MFRP: variants seen among roughly 807,000 people sequenced by gnomAD.
MFRP encodes the protein membrane frizzled-related protein, also known as C1q and TNF related 5.
MFRP carries 74 observed loss-of-function variants against 65.8 expected under a neutral mutation model. That is an observed-to-expected ratio of 1.12 (90% CI 0.93 to 1.36). The LOEUF is 1.36. MFRP is among the 40% of genes most tolerant of loss of function. The probability of loss-of-function intolerance (pLI) is 0.00; values close to 1 mark genes in which losing one functional copy is unlikely to be tolerated. For missense variants in MFRP, 838 were observed against 736.0 expected, an observed-to-expected ratio of 1.14 and a Z score of -1.60; for synonymous variants, 336 against 288.3, an observed-to-expected ratio of 1.17 and a Z score of -1.68.
chr11:119,340,400 C>T lies in MFRP; in HGVS notation c.*894G>A, dbSNP rs1950490693. 2.6e-6 allele frequency: 4 copies of T among 1,544,468 alleles called. No homozygotes were observed. Among genetic ancestry groups the T allele is most frequent in the Non-Finnish European group, 3.5e-6 (4 of 1,146,132 alleles). ...AGCAGGACGAGGAGTGGCCTCATAG[C>T]GCTGGCACCGGGAGCCCGGACGCCG... On this transcript the variant is annotated 3_prime_UTR_variant, in exon 14 of 15. Coordinates refer to ENST00000619721, the MANE Select transcript of MFRP (RefSeq NM_031433.4).
intron 13 of MFRP, 75 bp from the exon 14 acceptor site, chr11:119,340,515 A>G: frequency 8.7e-7 from 1 of 1,145,714 alleles, no homozygotes; most frequent in Non-Finnish European, 1.2e-6. Flanking sequence ...GGCGCGGCCC[A>G]GTCGGTCCCC....
Position 119,346,217 on chromosome 11 carries a change from T to C in MFRP, c.157+55A>G, listed in dbSNP as rs1228619790. 16 of 1,568,944 alleles carry C rather than the reference T, an allele frequency of 1.0e-5. No individual in the cohort carries two copies. The Admixed American group carries it at 3.0e-4, about 30-fold the overall frequency. On this transcript the variant is annotated intron_variant, in intron 2 of 14. Transcript: ENST00000619721. Reference sequence around the variant, plus strand: ...CTTCTGTTGGGTATTCCTCATGCTGTCCTTGGCTCCTGGGCCTCTCTGTCC... The same window carrying C: ...CTTCTGTTGGGTATTCCTCATGCTGCCCTTGGCTCCTGGGCCTCTCTGTCC...
rs1461541119 is a variant in MFRP at position 119,345,022 on chromosome 11, G to T, written c.642-18C>A. 22 of 1,597,454 alleles carry T rather than the reference G, an allele frequency of 1.4e-5. No individual in the cohort carries two copies. The highest frequency in any genetic ancestry group is 1.7e-5 in the Non-Finnish European group (20 of 1,173,574). ...CACAAACCCTGCAAGAAGCCAGGTT[G>T]GGGGTGAGGGAGGCTCCAAGAGCAG... On this transcript the variant is annotated intron_variant, in intron 5 of 14. Coordinates refer to ENST00000619721, the MANE Select transcript of MFRP (RefSeq NM_031433.4).
chr11:119,344,597 CGCCTGA>C, intron 7 of MFRP, 29 bp downstream of exon 7: 8 of 1,613,632 alleles, frequency 5.0e-6, no homozygotes, highest in Non-Finnish European at 6.8e-6. Flanking sequence ...CCAGATCAGA[CGCCTGA>C]AGAGAGGACC....
chr11:119,341,349 C>G lies in MFRP; in HGVS notation c.*199G>C, dbSNP rs1950500604. ...TGTGGGGCCAGTCAGCAGCCTGGGA[C>G]CGGTAAAGGGACAGGAAGGAGCAGG... is the stretch of plus-strand genomic sequence containing the variant. On this transcript the variant is annotated 3_prime_UTR_variant, in exon 13 of 15. Transcript: ENST00000619721. The G allele has an allele frequency of 8.4e-6, 5 of 598,684 alleles. No homozygotes were observed. The highest frequency in any genetic ancestry group is 2.0e-5 in the South Asian group (1 of 49,770). 37.1% of individuals were successfully genotyped at this position (598,684 alleles called of 1,614,324 possible).
Position 119,339,360 on chromosome 11 carries a change from C to G in MFRP, c.*1599G>C, listed in dbSNP as rs1298660906. ...GCAAAGACTGGGGAGCTGTGCCAGT[C>G]GGAGTACACCAGAAATCCGGAGAAG... On this transcript the variant is annotated 3_prime_UTR_variant, in exon 15 of 15. Transcript: ENST00000619721. This position sits in a 1 kb window ranked among gnomAD's most constrained non-coding sequence, Gnocchi z 5.4. 1.9e-6 allele frequency: 3 copies of G among 1,612,922 alleles called. No homozygotes were observed. The highest frequency in any genetic ancestry group is 2.2e-5 in the East Asian group (1 of 44,832).
rs1194944071 is a variant in MFRP at position 119,345,003 on chromosome 11, C to T, written c.643G>A (p.Val215Ile). 6 of 1,603,960 alleles carry T rather than the reference C, an allele frequency of 3.7e-6. No homozygotes were observed. In the African/African-American group the frequency reaches 6.7e-5, roughly 18 times the overall value. The change falls in exon 6 of 15, where the codon GTT (valine) becomes ATT (isoleucine). Residue 215 changes from valine to isoleucine, a missense_variant and splice_region_variant. Coordinates refer to ENST00000619721, the MANE Select transcript of MFRP (RefSeq NM_031433.4). ...SPEPEGPLLR[V>I]CGRVPPPTLN... ...GTGGGGGGAGGCACCCTTCCACAAACCCTGCAAGAAGCCAGGTTGGGGGTG... is the reference window on the plus strand; with the variant it reads ...GTGGGGGGAGGCACCCTTCCACAAATCCTGCAAGAAGCCAGGTTGGGGGTG...
At chr11:119,345,330 G>A (rs770344130) in intron 5 of MFRP, 90 bp downstream of exon 5, 71 of 1,342,116 alleles carry the variant, frequency 5.3e-5, no homozygotes, top group Admixed American at 1.2e-4. Context: ...TTTCTTCCTC[G>A]GTTAGCCCTT....
In MFRP at chr11:119,346,138, C is replaced by T. The variant is rs745791741; in HGVS notation, c.179G>A (p.Arg60Gln). 27 of 1,598,788 alleles carry T rather than the reference C, an allele frequency of 1.7e-5. No homozygotes were observed. Among genetic ancestry groups the T allele is most frequent in the African/African-American group, 1.1e-4 (8 of 74,632 alleles). ...GAGCCAGGAGAAGCGGCAGTCTGGC[C>T]GTAGCCCTCGAGGACGCCGACCTGC... Reference protein sequence around the residue: ...PWHGRRPRGLRPDCRFSWLCV... With the variant: ...PWHGRRPRGLQPDCRFSWLCV... Residue 60 changes from arginine to glutamine, a missense_variant, in exon 3 of 15, where the codon CGG (arginine) becomes CAG (glutamine). Transcript: ENST00000619721.
chr11:119,339,246 G>T lies in MFRP; in HGVS notation c.*1713C>A. 6.9e-7 allele frequency: 1 copy of T among 1,457,316 alleles called. No individual in the cohort carries two copies. Among genetic ancestry groups the T allele is most frequent in the Non-Finnish European group, 9.4e-7 (1 of 1,068,070 alleles). 90.3% of individuals were successfully genotyped at this position (1,457,316 alleles called of 1,614,324 possible). A position where few individuals can be genotyped will look rare whatever the true frequency, so the allele number is the denominator to read the frequency against. The stretch of plus-strand genomic sequence containing the variant: ...CCCTAGTCATTCACAATATTCCAGG[G>T]GGGCCAGCCCTCCTGGATGACCTGG... On this transcript the variant is annotated 3_prime_UTR_variant, in exon 15 of 15. Transcript: ENST00000619721. This position sits in a 1 kb window ranked among gnomAD's most constrained non-coding sequence, Gnocchi z 5.4.
At position 119,343,857 on chromosome 11, in the gene MFRP, C is replaced by G; in HGVS notation, c.1083G>C (p.Val361=). The G allele has an allele frequency of 6.2e-7, 1 of 1,613,980 alleles. No individual in the cohort carries two copies. The highest frequency in any genetic ancestry group is 8.5e-7 in the Non-Finnish European group (1 of 1,180,024). Residue 361 remains valine, a synonymous_variant, in exon 9 of 15, where the codon GTG becomes GTC. Coordinates refer to ENST00000619721, the MANE Select transcript of MFRP (RefSeq NM_031433.4). ...AGGCCCCTGAGCTGCTGGTCTCATA[C>G]ACCTCCACGTAGTCAAACTTGCACT... ...QDECKFDYVE[V]YETSSSGAFS... is the part of the protein sequence containing the mutation.
In MFRP at chr11:119,339,835, A is replaced by T. The variant is rs758621611; in HGVS notation, c.*1124T>A. The T allele has an allele frequency of 3.3e-6, 5 of 1,500,212 alleles. No individual in the cohort carries two copies. In the South Asian group the frequency reaches 6.4e-5, roughly 19 times the overall value. The allele number at this position is 1,500,212 out of a possible 1,614,324, so 92.9% of individuals were successfully genotyped here. On this transcript the variant is annotated 3_prime_UTR_variant, in exon 15 of 15. Transcript: ENST00000619721. This position sits in a 1 kb window ranked among gnomAD's most constrained non-coding sequence, Gnocchi z 5.4. ...CTCCTCGCGGCCCGGGGTCCCCTCG[A>T]GGTCCCGGCAGTCCTGCGGGGTAAG...
Position 119,342,589 on chromosome 11 carries a change from T to A in MFRP, c.1387+7A>T. On this transcript the variant is annotated splice_region_variant and intron_variant, in intron 11 of 14. Coordinates refer to ENST00000619721, the MANE Select transcript of MFRP (RefSeq NM_031433.4). The stretch of plus-strand genomic sequence containing the variant: ...CTGCTCAGGGTCCCCAGGGGCAGGC[T>A]TCTCACCTGGGGGTGGGAACAAGGG... 1 of 1,612,884 alleles carries A rather than the reference T, an allele frequency of 6.2e-7. No individual in the cohort carries two copies. Among genetic ancestry groups the A allele is most frequent in the South Asian group, 1.1e-5 (1 of 91,038 alleles).
Position 119,345,781 on chromosome 11 carries a change from G to C in MFRP, c.419C>G (p.Pro140Arg), listed in dbSNP as rs2135373847. Residue 140 changes from proline to arginine, a missense_variant, in exon 4 of 15, where the codon CCA becomes CGA. Transcript: ENST00000619721. ...GQQESGVSPS[P>R]QSTCGGLLSG... ...CTGCCCCCAGTACTCACTGGACTGT[G>C]GGGAGGGGCTCACGCCTGACTCCTG... is the stretch of plus-strand genomic sequence containing the variant. 6.2e-7 allele frequency: 1 copy of C among 1,613,706 alleles called. No homozygotes were observed. The highest frequency in any genetic ancestry group is 1.7e-5 in the Admixed American group (1 of 60,024).
chr11:119,344,494 A>C, intron 7 of MFRP, 103 bp from the exon 8 acceptor site: 3 of 1,569,656 alleles, frequency 1.9e-6, no homozygotes, highest in Non-Finnish European at 2.6e-6. Flanking sequence ...TGCCCATGGG[A>C]AACAAGTTCT....
chr11:119,342,681 C>T lies in MFRP; in HGVS notation c.1302G>A (p.Lys434=). The change falls in exon 11 of 15, where the codon AAG becomes AAA. Residue 434 remains lysine (K), a synonymous_variant. Coordinates refer to ENST00000619721, the MANE Select transcript of MFRP (RefSeq NM_031433.4). ...SELSCQAGGC[K]GVQWMCDMWR... ...ACATGTCACACATCCACTGCACACC[C>T]TTACACCCTCCTGCCTGGCAGGAGA... 6.2e-7 allele frequency: 1 copy of T among 1,613,748 alleles called. No individual in the cohort carries two copies. Among genetic ancestry groups the T allele is most frequent in the Non-Finnish European group, 8.5e-7 (1 of 1,179,960 alleles).
chr11:119,345,096 A>G (rs1591305935), intron 5 of MFRP, 92 bp from the exon 6 acceptor site: 2 of 1,498,566 alleles, frequency 1.3e-6, no homozygotes, highest in East Asian at 2.4e-5. Flanking sequence ...TATTTTCTCA[A>G]CCCCCAAACT....
chr11:119,340,055 G>A lies in MFRP; in HGVS notation c.*1110+129C>T, dbSNP rs562856084. 3.4e-4 allele frequency: 439 copies of A among 1,294,694 alleles called. 1 individual carries two copies. The highest frequency in any genetic ancestry group is 4.2e-4 in the Non-Finnish European group (419 of 988,794). 80.2% of individuals were successfully genotyped at this position (1,294,694 alleles called of 1,614,324 possible). A position where few individuals can be genotyped will look rare whatever the true frequency, so the allele number is the denominator to read the frequency against. ...CTCCCGCCGCCTGGGCCCCTCCCCC[G>A]CTCAGGGCTGCAAAGCGCGGGGAGT... On this transcript the variant is annotated intron_variant, in intron 14 of 14. Transcript: ENST00000619721.
chr11:119,340,293 T>G lies in MFRP; in HGVS notation c.*1001A>C. On this transcript the variant is annotated 3_prime_UTR_variant, in exon 14 of 15. Coordinates refer to ENST00000619721, the MANE Select transcript of MFRP (RefSeq NM_031433.4). ...GGCTGCCATGGTGGCCCGGCGTGCCTGGAAGGCCGGGGTGCCCCGGGCAGA... is the reference window on the plus strand; with the variant it reads ...GGCTGCCATGGTGGCCCGGCGTGCCGGGAAGGCCGGGGTGCCCCGGGCAGA... The G allele has an allele frequency of 6.5e-7, 1 of 1,532,682 alleles. No homozygotes were observed. Among genetic ancestry groups the G allele is most frequent in the South Asian group, 1.2e-5 (1 of 82,290 alleles). 94.9% of individuals were successfully genotyped at this position (1,532,682 alleles called of 1,614,324 possible).
Sources: gnomAD v4.1 joint callset for allele counts on GRCh38, gnomAD v4.1.1 for gene constraint, Gnocchi (gnomAD v3.1) non-coding constraint, MANE v1.5 for transcripts, NCBI Gene and HGNC (gene_info 2026-07-23, HGNC 2026-07-21) for gene names.